Variants in CDH23 observed in about 807,000 individuals in gnomAD.
The protein encoded by CDH23 is cadherin-23.
CDH23 carries 189 observed loss-of-function variants against 317.1 expected under a neutral mutation model. The observed-to-expected ratio is 0.60, with a 90% CI of 0.53 to 0.67. CDH23 has a LOEUF of 0.67. Ranked by LOEUF, CDH23 falls within the 30% of genes least tolerant of loss-of-function variation. The probability of loss-of-function intolerance (pLI) is 0.00; values close to 1 mark genes in which losing one functional copy is unlikely to be tolerated. For missense variants in CDH23, 4,401 were observed against 4,592.4 expected, an observed-to-expected ratio of 0.96 and a Z score of 1.20; for synonymous variants, 1,839 against 1,876.8, an observed-to-expected ratio of 0.98 and a Z score of 0.52.
chr10:71,790,943 G>A (rs1841234495), intron 46 of CDH23, 189 bp from the exon 47 acceptor site: 1 of 608,562 alleles, frequency 1.6e-6, no homozygotes, highest in South Asian at 2.0e-5. Context: ...AAATGCATGG[G>A]GCCCTCCCTC....
chr10:71,687,810 C>T, intron 19 of CDH23, 91 bp downstream of exon 19: 1 of 1,209,304 alleles, frequency 8.3e-7, no homozygotes, highest in Non-Finnish European at 1.2e-6. Flanking sequence ...GCTCTGCACA[C>T]AAATTGTGGG....
chr10:71,475,565 T>G (rs1851748551), intron 3 of CDH23, among the ~76,000 whole-genome samples: 1 of 152,228 alleles, frequency 6.6e-6, no homozygotes, highest in Non-Finnish European at 1.5e-5. Flanking sequence ...ATCTTCGGTA[T>G]TAATGCCCGG....
intron 47 of CDH23, among the ~76,000 whole-genome samples, chr10:71,792,076 G>C (rs1589423956): frequency 2.0e-5 from 3 of 152,192 alleles, no homozygotes; most frequent in Admixed American, 2.0e-4. Context: ...CAGTATTTAA[G>C]GCCATGCAAT....
chr10:71,741,049 G>T, intron 37 of CDH23, 99 bp downstream of exon 37: 1 of 1,387,450 alleles, frequency 7.2e-7, no homozygotes, highest in South Asian at 1.2e-5. Flanking sequence ...CTGGCCCACT[G>T]GTCCCTCAGA....
chr10:71,752,712 G>A (rs113568809), intron 38 of CDH23, among the ~76,000 whole-genome samples: 1 of 152,114 alleles, frequency 6.6e-6, no homozygotes, highest in African/African-American at 2.4e-5. Context: ...CTTCCTCCCT[G>A]TCCCCATCCT....
chr10:71,744,830 A>G (rs999898994), intron 38 of CDH23, among the ~76,000 whole-genome samples: 2 of 152,250 alleles, frequency 1.3e-5, no homozygotes, highest in African/African-American at 4.8e-5. Flanking sequence ...GGGCTGAACC[A>G]TGATGCTTTC....
intron 6 of CDH23, among the ~76,000 whole-genome samples, chr10:71,562,844 A>T (rs549505558): frequency 9.2e-5 from 14 of 152,124 alleles, no homozygotes; most frequent in Non-Finnish European, 1.9e-4. Context: ...CATCTCTGCC[A>T]CCCTGTAACT....
At chr10:71,577,544 T>G (rs117446917) in intron 8 of CDH23, among the ~76,000 whole-genome samples, 1 of 152,278 alleles carries the variant, frequency 6.6e-6, no homozygotes, top group Non-Finnish European at 1.5e-5. Flanking sequence ...GCCAGAGAGG[T>G]GCAGCAACCT....
chr10:71,638,600 C>T (rs1455009989), intron 11 of CDH23, among the ~76,000 whole-genome samples: 1 of 152,222 alleles, frequency 6.6e-6, no homozygotes, highest in Non-Finnish European at 1.5e-5. Flanking sequence ...GACTGAAATC[C>T]ACCCCTCTGA....
intron 24 of CDH23, 123 bp from the exon 25 acceptor site, chr10:71,704,788 G>T: frequency 1.3e-6 from 1 of 767,772 alleles, no homozygotes; most frequent in East Asian, 2.6e-5. Context: ...AGGCTTGGAG[G>T]GGAGCAGATG....
intron 26 of CDH23, chr10:71,707,593 G>A: frequency 1.1e-6 from 1 of 937,568 alleles, no homozygotes; most frequent in Non-Finnish European, 1.3e-6. Flanking sequence ...GAGCTGCAAT[G>A]GATTAGTGAT....
intron 29 of CDH23, among the ~76,000 whole-genome samples, chr10:71,725,121 T>G (rs983513928): frequency 2.0e-5 from 3 of 152,196 alleles, no homozygotes; most frequent in East Asian, 3.9e-4. Context: ...AACACCAAGA[T>G]GAAGGCTTTC....
intron 9 of CDH23, among the ~76,000 whole-genome samples, chr10:71,594,858 T>G (rs748105148): frequency 6.6e-6 from 1 of 152,238 alleles, no homozygotes; most frequent in Non-Finnish European, 1.5e-5. Flanking sequence ...ACAAAATGAT[T>G]TAATGTCAGC....
In CDH23 at chr10:71,741,757, A is replaced by G; in HGVS notation, c.4681A>G (p.Ser1561Gly). 1.2e-6 allele frequency: 2 copies of G among 1,612,782 alleles called. No homozygotes were observed. Among genetic ancestry groups the G allele is most frequent in the Non-Finnish European group, 1.7e-6 (2 of 1,179,400 alleles). The change falls in exon 38 of 70, where the codon AGT becomes GGT. Residue 1561 changes from serine (S) to glycine (G), a missense_variant. Around this residue, in one of 3 missense-constraint regions of CDH23, gnomAD observed 3,068 missense variants for 3,203.3 expected, o/e 0.96. Coordinates refer to ENST00000224721, the MANE Select transcript of CDH23 (RefSeq NM_022124.6). ...CACTGACCGTGACATCGGGATCAAC[A>G]GTGTTCTGTCCTACTACATCACCGA... ...RATDRDIGINSVLSYYITEGN... is the reference protein window; with the variant it reads ...RATDRDIGINGVLSYYITEGN...
intron 38 of CDH23, chr10:71,755,352 T>C (rs1267099091): frequency 6.2e-7 from 1 of 1,609,266 alleles, no homozygotes; most frequent in Non-Finnish European, 8.5e-7. Flanking sequence ...CAGGGAGGAA[T>C]ACTCACGGCG....
In CDH23 at chr10:71,811,361, T is replaced by C; in HGVS notation, c.9124T>C (p.Phe3042Leu). The change falls in exon 63 of 70, where the codon TTC becomes CTC. Residue 3042 changes from phenylalanine (F) to leucine (L), a missense_variant. Coordinates refer to ENST00000224721, the MANE Select transcript of CDH23 (RefSeq NM_022124.6). ...GAACAAGGAGCAGCTACGGAATCTTTTCCGGAACTACAACGTCCTGGACGT... is the reference window on the plus strand; with the variant it reads ...GAACAAGGAGCAGCTACGGAATCTTCTCCGGAACTACAACGTCCTGGACGT... ...DENKEQLRNL[F>L]RNYNVLDVQP... 7 of 1,613,888 alleles carry C rather than the reference T, an allele frequency of 4.3e-6. No homozygotes were observed. The highest frequency in any genetic ancestry group is 5.9e-6 in the Non-Finnish European group (7 of 1,179,882).
intron 6 of CDH23, among the ~76,000 whole-genome samples, chr10:71,533,740 T>C (rs1855549374): frequency 6.6e-6 from 1 of 152,072 alleles, no homozygotes; most frequent in Admixed American, 6.5e-5. Flanking sequence ...AAGGATGCAG[T>C]TGTAGCTCTG....
intron 16 of CDH23, among the ~76,000 whole-genome samples, chr10:71,678,764 G>C (rs920841071): frequency 6.6e-6 from 1 of 152,128 alleles, no homozygotes; most frequent in Admixed American, 6.5e-5. Context: ...AGGGGTAGAG[G>C]GATCCCTGGC....
chr10:71,699,471 T>C (rs1467229862), intron 22 of CDH23, among the ~76,000 whole-genome samples: 4 of 152,238 alleles, frequency 2.6e-5, no homozygotes, highest in Admixed American at 1.3e-4. Flanking sequence ...ATTGGTGCAG[T>C]GTGTGCATCT....
Sources: gnomAD v4.1 joint callset for allele counts (sites outside exome capture counted in the v4.1 genomes callset) on GRCh38, gnomAD v4.1.1 for gene constraint, gnomAD v4.1.1 regional missense constraint, MANE v1.5 for transcripts, NCBI Gene and HGNC (gene_info 2026-07-23, HGNC 2026-07-21) for gene names.